The following NCKAP1 variants were observed in gnomAD, a reference collection of about 807,000 sequenced individuals.
NCKAP1 encodes the protein nck-associated protein 1.
Under a neutral mutation model 151.2 loss-of-function variants are expected in NCKAP1, and 21 were observed. The ratio of observed to expected loss-of-function variants is 0.14; its 90% CI spans 0.10 to 0.20. The LOEUF (loss-of-function observed/expected upper bound fraction) is 0.20, where lower values mean the gene tolerates loss of function less well. NCKAP1 is among the 10% of genes least tolerant of loss of function. NCKAP1 has a pLI of 1.00. For missense variants in NCKAP1, 933 were observed against 1,352.1 expected (o/e 0.69, Z 4.86); for synonymous variants, 484 against 451.8 (o/e 1.07, Z -0.90).
chr2:182,989,291 AATT>A, intron 8 of NCKAP1, 105 bp from the exon 9 acceptor site: 1 of 803,598 alleles, frequency 1.2e-6, no homozygotes, highest in Non-Finnish European at 1.9e-6. Context: ...ACGATCACTA[AATT>A]GAGGCTTCTG....
In NCKAP1 at chr2:182,911,675, T is replaced by TA. The variant is rs1416618716; in HGVS notation, c.*14026_*14027insT. On this transcript the variant is annotated 3_prime_UTR_variant, in exon 31 of 31. Coordinates refer to ENST00000361354, the MANE Select transcript of NCKAP1 (RefSeq NM_013436.5). ...TATCCTTTTTTTTCTCCCAAGCTGT[T>TA]TGAGCTTTTATGTTAACACCTATAC... 6.6e-6 allele frequency: 1 copy of TA among 152,114 alleles called. No individual in the cohort carries two copies. Among genetic ancestry groups the TA allele is most frequent in the Non-Finnish European group, 1.5e-5 (1 of 68,010 alleles). 9.4% of individuals were successfully genotyped at this position (152,114 alleles called of 1,614,324 possible).
rs1009412009 is a variant in NCKAP1 at position 182,917,254 on chromosome 2, T to C, written c.*8448A>G. 6.6e-6 allele frequency: 1 copy of C among 152,200 alleles called. No individual in the cohort carries two copies. The highest frequency in any genetic ancestry group is 6.5e-5 in the Admixed American group (1 of 15,272). 9.4% of individuals were successfully genotyped at this position (152,200 alleles called of 1,614,324 possible). A position where few individuals can be genotyped will look rare whatever the true frequency, so the allele number is the denominator to read the frequency against. ...GCTGGGATTCAAACCCCAGATTTGT[T>C]TGAGGCTGTGGCATCATACTTCAAG... is the stretch of plus-strand genomic sequence containing the variant. On this transcript the variant is annotated 3_prime_UTR_variant, in exon 31 of 31. Transcript: ENST00000361354.
At chr2:182,962,598 T>A (rs1697478968) in intron 17 of NCKAP1, among the ~76,000 whole-genome samples, 1 of 152,174 alleles carries the variant, frequency 6.6e-6, no homozygotes, top group African/African-American at 2.4e-5. Flanking sequence ...TCTTAAATGT[T>A]AAAATATTAA....
intron 2 of NCKAP1, among the ~76,000 whole-genome samples, chr2:183,008,761 A>C (rs1283336179): frequency 6.6e-6 from 1 of 152,194 alleles, no homozygotes; most frequent in Admixed American, 6.5e-5. Flanking sequence ...TGAGTTTCTA[A>C]ATTGATTTAA....
chr2:182,995,302 T>C (rs1056102326), intron 7 of NCKAP1, among the ~76,000 whole-genome samples: 2 of 152,190 alleles, frequency 1.3e-5, no homozygotes, highest in Non-Finnish European at 2.9e-5. Flanking sequence ...ATTCTCCATA[T>C]GTGTGACACC....
chr2:182,925,877 A>C, intron 30 of NCKAP1, 59 bp from the exon 31 acceptor site: 2 of 851,686 alleles, frequency 2.3e-6, no homozygotes, highest in Non-Finnish European at 1.8e-6. Flanking sequence ...ATAAACAAAA[A>C]TCATAAGTTA....
At chr2:183,004,161 A>C (rs1484312607) in intron 2 of NCKAP1, among the ~76,000 whole-genome samples, 1 of 152,176 alleles carries the variant, frequency 6.6e-6, no homozygotes, top group Admixed American at 6.5e-5. Flanking sequence ...TCTCAGGCCT[A>C]CCTCAGATCT....
At chr2:182,984,423 G>GTGTGTGTGTGTGTGTGTGT (rs1553515251) in intron 10 of NCKAP1, among the ~76,000 whole-genome samples, 6 of 144,282 alleles carry the variant, frequency 4.2e-5, no homozygotes, top group Admixed American at 6.9e-5. Flanking sequence ...TTTAGATTGG[G>GTGTGTGTGTGTGTGTGTGT]GTGTGTGTGT....
intron 2 of NCKAP1, among the ~76,000 whole-genome samples, chr2:183,004,823 G>A (rs757859634): frequency 6.6e-6 from 1 of 150,394 alleles, no homozygotes; most frequent in Non-Finnish European, 1.5e-5. Flanking sequence ...GGAGGAGGCT[G>A]CAGTAAGCTT....
intron 9 of NCKAP1, among the ~76,000 whole-genome samples, chr2:182,988,149 C>T (rs1457228573): frequency 1.3e-5 from 2 of 152,058 alleles, no homozygotes; most frequent in Non-Finnish European, 2.9e-5. Context: ...TGCTCAGGAA[C>T]CTGGATTTCA....
Position 182,934,826 on chromosome 2 carries a change from A to G in NCKAP1, c.2785T>C (p.Ser929Pro). 6 of 1,463,192 alleles carry G rather than the reference A, an allele frequency of 4.1e-6. No individual in the cohort carries two copies. Among genetic ancestry groups the G allele is most frequent in the Non-Finnish European group, 5.7e-6 (6 of 1,050,750 alleles). The allele number at this position is 1,463,192 out of a possible 1,614,324, so 90.6% of individuals were successfully genotyped here. The change falls in exon 26 of 31, where the codon TCC (serine) becomes CCC (proline). Residue 929 changes from serine (S) to proline (P), a missense_variant. Physicochemically the swap from Ser to Pro is moderately conservative, Grantham distance 74. Transcript: ENST00000361354. The stretch of plus-strand genomic sequence containing the variant: ...CTTACAAGAAAAGGAATGTGGTAGG[A>G]TAAGACCTAGGCAGGATAACAAATA... ...LAQEALRDVL[S>P]YHIPFLVSSI... is the part of the protein sequence containing the mutation.
intron 2 of NCKAP1, among the ~76,000 whole-genome samples, chr2:183,020,137 T>C (rs1575068880): frequency 6.6e-6 from 1 of 152,254 alleles, no homozygotes; most frequent in Middle Eastern, 3.4e-3. Flanking sequence ...GGGCAGAATT[T>C]TGCAAGAATC....
intron 16 of NCKAP1, among the ~76,000 whole-genome samples, chr2:182,966,139 C>A (rs771880870): frequency 6.6e-6 from 1 of 152,128 alleles, no homozygotes. Context: ...CCACTGAGAT[C>A]ATTTCAGCAT....
chr2:183,017,149 G>A (rs1698708073), intron 2 of NCKAP1, among the ~76,000 whole-genome samples: 1 of 152,146 alleles, frequency 6.6e-6, no homozygotes. Context: ...CTCTAGAGCA[G>A]CAGTCCCCAA....
chr2:183,023,999 A>G, intron 1 of NCKAP1, 83 bp from the exon 2 acceptor site: 1 of 1,063,420 alleles, frequency 9.4e-7, no homozygotes, highest in Non-Finnish European at 1.4e-6. Context: ...TAGAAATTAA[A>G]GAGATATTTA....
At chr2:183,013,255 A>G (rs563888587) in intron 2 of NCKAP1, among the ~76,000 whole-genome samples, 65 of 152,188 alleles carry the variant, frequency 4.3e-4, no homozygotes, top group Non-Finnish European at 8.1e-4. Context: ...TGGCTATTTG[A>G]TATCTCCACT....
At chr2:183,027,191 G>A (rs1393383830) in intron 1 of NCKAP1, among the ~76,000 whole-genome samples, 1 of 152,140 alleles carries the variant, frequency 6.6e-6, no homozygotes, top group African/African-American at 2.4e-5. Flanking sequence ...CCATGAGCAA[G>A]TCATTCTATC....
chr2:182,947,607 T>C (rs1460634965), intron 23 of NCKAP1, among the ~76,000 whole-genome samples: 1 of 152,188 alleles, frequency 6.6e-6, no homozygotes, highest in East Asian at 1.9e-4. Context: ...TAGAGATATA[T>C]ATATATCTCC....
chr2:182,944,930 C>T (rs996701932), intron 23 of NCKAP1, among the ~76,000 whole-genome samples: 7 of 151,950 alleles, frequency 4.6e-5, no homozygotes, highest in Admixed American at 2.6e-4. Flanking sequence ...AGCAATATTT[C>T]GTCTCTACAA....
Sources: gnomAD v4.1 joint callset for allele counts (sites outside exome capture counted in the v4.1 genomes callset) on GRCh38, gnomAD v4.1.1 for gene constraint, MANE v1.5 for transcripts, NCBI Gene and HGNC (gene_info 2026-07-23, HGNC 2026-07-21) for gene names.